The following PIGN variants were observed in gnomAD, a reference collection of about 807,000 sequenced individuals.
PIGN encodes the protein phosphatidylinositol glycan anchor biosynthesis class N, also known as GPI ethanolamine phosphate transferase 1.
A neutral mutation model predicts 125.4 loss-of-function variants in PIGN; 117 were observed. The observed-to-expected ratio is 0.93, with a 90% CI of 0.80 to 1.09. PIGN has a LOEUF of 1.09. Among genes scored for constraint, PIGN ranks in the 50% least tolerant of loss-of-function variants. The probability of loss-of-function intolerance (pLI) is 0.00; values close to 1 mark genes in which losing one functional copy is unlikely to be tolerated. For synonymous variants in PIGN, 392 were observed against 377.8 expected (o/e 1.04, Z -0.44); for missense variants, 1,075 against 1,094.9 (o/e 0.98, Z 0.26).
intron 1 of PIGN, among the ~76,000 whole-genome samples, chr18:62,182,949 C>T (rs2037768003): frequency 6.6e-6 from 1 of 152,012 alleles, no homozygotes; most frequent in Admixed American, 6.5e-5. Flanking sequence ...AGTTCCACAG[C>T]GGGGGGCAAT....
rs56397720 is a variant in PIGN at position 62,043,327 on chromosome 18, G to A, written c.*2529C>T. 25,705 of 152,134 alleles carry A rather than the reference G, an allele frequency of 0.17. 2,936 individuals carry two copies. Among genetic ancestry groups the A allele is most frequent in the Middle Eastern group, 0.28 (83 of 292 alleles). 9.4% of individuals were successfully genotyped at this position (152,134 alleles called of 1,614,324 possible). A position where few individuals can be genotyped will look rare whatever the true frequency, so the allele number is the denominator to read the frequency against. ...AATCTCCTTCATTCCCTCTAGGCCAGCTTCATCAGAAATCATGTTTTTAAT... is the reference window on the plus strand; with the variant it reads ...AATCTCCTTCATTCCCTCTAGGCCAACTTCATCAGAAATCATGTTTTTAAT... On this transcript the variant is annotated 3_prime_UTR_variant, in exon 31 of 31. Transcript: ENST00000640252.
chr18:62,145,236 C>G (rs574438689), intron 10 of PIGN, among the ~76,000 whole-genome samples: 7 of 152,210 alleles, frequency 4.6e-5, no homozygotes, highest in Non-Finnish European at 8.8e-5. Flanking sequence ...TTAAATAAAT[C>G]TGGAAATAAT....
At chr18:62,185,131 C>T (rs1164655254) in intron 1 of PIGN, among the ~76,000 whole-genome samples, 1 of 152,158 alleles carries the variant, frequency 6.6e-6, no homozygotes, top group Non-Finnish European at 1.5e-5. Context: ...TATAAACAAT[C>T]CATTTCTAAT....
At chr18:62,105,960 T>C (rs557970711) in intron 19 of PIGN, among the ~76,000 whole-genome samples, 2 of 152,216 alleles carry the variant, frequency 1.3e-5, no homozygotes, top group East Asian at 3.9e-4. Context: ...TCAGAGAAGT[T>C]AAAATATAAG....
intron 23 of PIGN, among the ~76,000 whole-genome samples, chr18:62,030,520 A>G (rs2030181862): frequency 6.6e-6 from 1 of 152,250 alleles, no homozygotes; most frequent in Admixed American, 6.5e-5. Context: ...AAAGTCACAG[A>G]GCTCTATACA....
chr18:62,128,783 T>C (rs979606984), intron 14 of PIGN, among the ~76,000 whole-genome samples: 1 of 152,190 alleles, frequency 6.6e-6, no homozygotes. Context: ...ATTTTATTAT[T>C]ACATTTGCAT....
At chr18:62,172,622 A>C (rs961587910) in intron 1 of PIGN, among the ~76,000 whole-genome samples, 10 of 152,140 alleles carry the variant, frequency 6.6e-5, no homozygotes, top group Admixed American at 3.3e-4. Context: ...GTAAATGTAA[A>C]TGCAAATGTA....
At chr18:62,154,215 C>T (rs940617600) in intron 7 of PIGN, 3 of 336,846 alleles carry the variant, frequency 8.9e-6, no homozygotes, top group Non-Finnish European at 1.6e-5. Flanking sequence ...GGCTTTCCTA[C>T]ATCTCATATG....
intron 30 of PIGN, among the ~76,000 whole-genome samples, chr18:62,065,521 G>A (rs996607406): frequency 3.3e-5 from 5 of 152,194 alleles, no homozygotes; most frequent in African/African-American, 7.2e-5. Flanking sequence ...GGCGGATCAC[G>A]AGGTCAGAAT....
chr18:62,071,904 A>G (rs1260623881), intron 30 of PIGN, among the ~76,000 whole-genome samples: 11 of 103,266 alleles, frequency 1.1e-4, no homozygotes, highest in South Asian at 5.9e-4. Context: ...ATATATATAT[A>G]TATATAAATT....
chr18:62,086,127 A>C (rs1245152206), intron 25 of PIGN, among the ~76,000 whole-genome samples: 1 of 152,234 alleles, frequency 6.6e-6, no homozygotes, highest in Non-Finnish European at 1.5e-5. Context: ...CATAAATAAA[A>C]TAGTCTCAAA....
chr18:62,058,259 A>C (rs1332821088), intron 30 of PIGN, among the ~76,000 whole-genome samples: 1 of 152,238 alleles, frequency 6.6e-6, no homozygotes, highest in Non-Finnish European at 1.5e-5. Flanking sequence ...TGGAATGTTT[A>C]ATCTGTAACA....
intron 14 of PIGN, among the ~76,000 whole-genome samples, chr18:62,130,154 C>T (rs1423037423): frequency 6.6e-6 from 1 of 152,128 alleles, no homozygotes; most frequent in Non-Finnish European, 1.5e-5. Flanking sequence ...TCTGGTGACA[C>T]CTTGCTTTTG....
At chr18:62,059,518 A>G (rs562111274) in intron 30 of PIGN, among the ~76,000 whole-genome samples, 2 of 152,392 alleles carry the variant, frequency 1.3e-5, no homozygotes, top group South Asian at 4.1e-4. Context: ...ATGCCAAAAA[A>G]AAGTTACACT....
chr18:62,163,406 C>T (rs1222655776), intron 2 of PIGN, 125 bp downstream of exon 2: 1 of 152,124 alleles, frequency 6.6e-6, no homozygotes, highest in Non-Finnish European at 1.5e-5. Flanking sequence ...AGATTAGTTA[C>T]CTTTGTGGCA....
intron 30 of PIGN, among the ~76,000 whole-genome samples, chr18:62,056,421 T>A (rs955611210): frequency 6.6e-6 from 1 of 152,082 alleles, no homozygotes; most frequent in Non-Finnish European, 1.5e-5. Flanking sequence ...TGCACACTTC[T>A]GAGTTATTCT....
At position 62,041,660 on chromosome 18, in the gene PIGN, T is replaced by C. The variant is rs1411656385; in HGVS notation, c.*4196A>G. On this transcript the variant is annotated 3_prime_UTR_variant, in exon 31 of 31. Coordinates refer to ENST00000640252, the MANE Select transcript of PIGN (RefSeq NM_176787.5). ...CGCCGGGTGTGTGTGTGTGTGTGTG[T>C]GTGTGTGTGTGTGTGTGTGTGTGTG... 7.1e-6 allele frequency: 1 copy of C among 140,830 alleles called. No homozygotes were observed. The highest frequency in any genetic ancestry group is 2.7e-5 in the African/African-American group (1 of 36,754). The allele number at this position is 140,830 out of a possible 1,614,324, so 8.7% of individuals were successfully genotyped here.
At chr18:62,131,272 T>C (rs2035726880) in intron 14 of PIGN, among the ~76,000 whole-genome samples, 1 of 152,166 alleles carries the variant, frequency 6.6e-6, no homozygotes, top group Non-Finnish European at 1.5e-5. Flanking sequence ...GTAACAAATA[T>C]TTTTGCTTCT....
intron 14 of PIGN, among the ~76,000 whole-genome samples, chr18:62,131,320 C>T (rs4324238): frequency 0.58 from 88,292 of 151,960 alleles, 26,380 homozygotes; most frequent in East Asian, 0.75. Flanking sequence ...ATTCCGTATT[C>T]TTCCCCCTAA....
Sources: gnomAD v4.1 joint callset for allele counts (sites outside exome capture counted in the v4.1 genomes callset) on GRCh38, gnomAD v4.1.1 for gene constraint, MANE v1.5 for transcripts, NCBI Gene and HGNC (gene_info 2026-07-23, HGNC 2026-07-21) for gene names.